Variants in MTMR12 observed in about 807,000 individuals in gnomAD.
The protein encoded by MTMR12 is myotubularin-related protein 12.
A neutral mutation model predicts 96.7 loss-of-function variants in MTMR12; 33 were observed. That is an observed-to-expected ratio of 0.34 (90% CI 0.26 to 0.46). The LOEUF is 0.46. Ranked by LOEUF, MTMR12 falls within the 20% of genes least tolerant of loss-of-function variation. MTMR12 has a pLI of 1.00. For synonymous variants in MTMR12, 298 were observed against 327.2 expected (o/e 0.91, Z 0.96); for missense variants, 721 against 896.1 (o/e 0.80, Z 2.49).
intron 1 of MTMR12, among the ~76,000 whole-genome samples, chr5:32,297,387 T>C (rs1262367065): frequency 6.6e-6 from 1 of 152,144 alleles, no homozygotes; most frequent in Non-Finnish European, 1.5e-5. Context: ...TATTACAAAG[T>C]AATACCTACA....
rs1554053391 is a variant in MTMR12 at position 32,228,569 on chromosome 5, C to CATATATATG, written c.*1208_*1209insCATATATAT. ...TCATATATATGTGATATATATATAT[C>CATATATATG]ATATATATATCATATATATGTGATA... On this transcript the variant is annotated 3_prime_UTR_variant, in exon 16 of 16. Coordinates refer to ENST00000382142, the MANE Select transcript of MTMR12 (RefSeq NM_001040446.3). 10 of 112,506 alleles carry CATATATATG rather than the reference C, an allele frequency of 8.9e-5. No individual in the cohort carries two copies. The highest frequency in any genetic ancestry group is 2.5e-4 in the South Asian group (1 of 4,030). The allele number at this position is 112,506 out of a possible 1,614,324, so 7.0% of individuals were successfully genotyped here. A position where few individuals can be genotyped will look rare whatever the true frequency, so the allele number is the denominator to read the frequency against.
At position 32,278,381 on chromosome 5, in the gene MTMR12, AT is replaced by A. The variant is rs202064723; in HGVS notation, c.82-1640del. On this transcript the variant is annotated intron_variant, in intron 1 of 15. Coordinates refer to ENST00000382142, the MANE Select transcript of MTMR12 (RefSeq NM_001040446.3). ...CAGTTTTGTCAACAAATAAAATCAG[AT>A]TTTTTTTTTTCTTTGGTAGAAGGCC... Among the ~76,000 whole-genome samples the A allele has an allele frequency of 5.7e-3, 842 of 148,896 alleles. 7 individuals carry two copies. Among genetic ancestry groups the A allele is most frequent in the African/African-American group, 0.018 (716 of 40,792 alleles).
intron 1 of MTMR12, among the ~76,000 whole-genome samples, chr5:32,280,041 CT>C (rs1246056216): frequency 6.6e-6 from 1 of 152,202 alleles, no homozygotes; most frequent in Non-Finnish European, 1.5e-5. Flanking sequence ...TGAGGACTTG[CT>C]GAGAGGCAGC....
At chr5:32,284,119 C>T (rs1750420429) in intron 1 of MTMR12, among the ~76,000 whole-genome samples, 1 of 151,616 alleles carries the variant, frequency 6.6e-6, no homozygotes, top group African/African-American at 2.4e-5. Context: ...CTAGCCTGGG[C>T]AACATGGCCA....
intron 1 of MTMR12, among the ~76,000 whole-genome samples, chr5:32,300,549 G>A (rs1454680060): frequency 6.6e-6 from 1 of 151,938 alleles, no homozygotes; most frequent in Non-Finnish European, 1.5e-5. Flanking sequence ...TCACCACACT[G>A]AGGGCCTCTC....
intron 10 of MTMR12, among the ~76,000 whole-genome samples, chr5:32,245,829 GA>G (rs768742866): frequency 0.014 from 2,082 of 148,248 alleles, 22 homozygotes; most frequent in Non-Finnish European, 0.022. Context: ...ATTTGTCTCA[GA>G]AAAAAAAAAA....
In MTMR12 at chr5:32,242,071, T is replaced by C; in HGVS notation, c.1157A>G (p.Asn386Ser). 6.2e-7 allele frequency: 1 copy of C among 1,612,494 alleles called. No individual in the cohort carries two copies. The highest frequency in any genetic ancestry group is 1.1e-5 in the South Asian group (1 of 91,016). The change falls in exon 12 of 16, where the codon AAT (asparagine) becomes AGT (serine). Residue 386 changes from asparagine (N) to serine (S), a missense_variant. Coordinates refer to ENST00000382142, the MANE Select transcript of MTMR12 (RefSeq NM_001040446.3). ...CTATATATTACCTAAAAGAAGAACA[T>C]TCATGTTTTGTGCTTCCATACATTC... ...ITECMEAQNM[N>S]VLLLEENASD...
In MTMR12 at chr5:32,255,767, A is replaced by G. The variant is rs1303954089; in HGVS notation, c.715T>C (p.Leu239=). 1 of 1,609,348 alleles carries G rather than the reference A, an allele frequency of 6.2e-7. No individual in the cohort carries two copies. Among genetic ancestry groups the G allele is most frequent in the African/African-American group, 1.3e-5 (1 of 74,714 alleles). ...VNEGYKVCER[L]PAYFVVPTPL... is the part of the protein sequence containing the mutation. ...GTGGGGACAACAAAGTATGCTGGCA[A>G]TCTAGAAGAAAGAAATGTCATCAAG... Residue 239 remains leucine, a splice_region_variant and synonymous_variant, in exon 8 of 16, where the codon TTG becomes CTG. Transcript: ENST00000382142.
chr5:32,279,076 C>CAAAAAAAAAAAAAAAAAAAAAAAAA (rs35999870), intron 1 of MTMR12, among the ~76,000 whole-genome samples: 1 of 50,518 alleles, frequency 2.0e-5, no homozygotes, highest in Non-Finnish European at 3.8e-5. Context: ...AACTCTGTCT[C>CAAAAAAAAAAAAAAAAAAAAAAAAA]AAAAAAAAAA....
intron 8 of MTMR12, among the ~76,000 whole-genome samples, chr5:32,255,038 T>C (rs1749084382): frequency 6.6e-6 from 1 of 152,114 alleles, no homozygotes; most frequent in African/African-American, 2.4e-5. Context: ...CTGCTTGGAC[T>C]CCATGGGCTT....
chr5:32,266,221 G>T (rs938381444), intron 6 of MTMR12, among the ~76,000 whole-genome samples: 1 of 151,188 alleles, frequency 6.6e-6, no homozygotes, highest in Non-Finnish European at 1.5e-5. Context: ...GTTTTGTTTT[G>T]TTTTTTAACT....
chr5:32,307,642 A>C (rs1751411045), intron 1 of MTMR12, among the ~76,000 whole-genome samples: 1 of 152,268 alleles, frequency 6.6e-6, no homozygotes, highest in African/African-American at 2.4e-5. Context: ...AATCAAGGAT[A>C]GAAGAATCCA....
At chr5:32,275,443 C>T (rs1750011871) in intron 2 of MTMR12, among the ~76,000 whole-genome samples, 1 of 152,198 alleles carries the variant, frequency 6.6e-6, no homozygotes, top group Non-Finnish European at 1.5e-5. Context: ...AGGCTCTCCC[C>T]AAGACCAGGC....
At chr5:32,234,019 G>A in intron 14 of MTMR12, 85 bp from the exon 15 acceptor site, 5 of 1,478,660 alleles carry the variant, frequency 3.4e-6, no homozygotes, top group Admixed American at 1.8e-5. Context: ...GCACCAGGAA[G>A]CATGCTCCTG....
intron 11 of MTMR12, among the ~76,000 whole-genome samples, chr5:32,242,814 C>T (rs897247925): frequency 1.3e-5 from 2 of 151,942 alleles, no homozygotes; most frequent in Admixed American, 6.6e-5. Flanking sequence ...AATTATGAGA[C>T]GTGTAGCAGG....
Position 32,247,987 on chromosome 5 carries a change from C to G in MTMR12, c.1021+15G>C. ...CCCATATAACACAAAAGTTTTTGCT[C>G]AGTATTCTTCTCACCTATCAGAAAT... is the stretch of plus-strand genomic sequence containing the variant. On this transcript the variant is annotated intron_variant, in intron 10 of 15. Transcript: ENST00000382142. The G allele has an allele frequency of 6.2e-7, 1 of 1,607,930 alleles. No homozygotes were observed. The highest frequency in any genetic ancestry group is 8.5e-7 in the Non-Finnish European group (1 of 1,176,056).
At chr5:32,282,932 T>G (rs906765886) in intron 1 of MTMR12, among the ~76,000 whole-genome samples, 1 of 152,208 alleles carries the variant, frequency 6.6e-6, no homozygotes, top group African/African-American at 2.4e-5. Flanking sequence ...GAAAACGGAT[T>G]TACCATTCTT....
intron 1 of MTMR12, among the ~76,000 whole-genome samples, chr5:32,299,057 A>G (rs926961866): frequency 2.0e-5 from 3 of 150,078 alleles, no homozygotes; most frequent in Non-Finnish European, 4.4e-5. Flanking sequence ...ATGAATGCGC[A>G]CACACACACA....
rs1052687190 is a variant in MTMR12 at position 32,266,496 on chromosome 5, T to A, written c.583+2205A>T. On this transcript the variant is annotated intron_variant, in intron 6 of 15. Transcript: ENST00000382142. ...TCAGGTCAGGAGTTCGAAATCAGCC[T>A]GGCCAACATAGTGAAACCCTGTCTC... Among the ~76,000 whole-genome samples, 16 of 151,816 alleles carry A rather than the reference T, an allele frequency of 1.1e-4. 1 individual carries two copies. The East Asian group carries it at 1.4e-3, about 13-fold the overall frequency.
Sources: allele counts gnomAD v4.1 joint callset (sites outside exome capture counted in the v4.1 genomes callset), GRCh38; gene constraint gnomAD v4.1.1; transcripts MANE v1.5; gene names NCBI Gene and HGNC (gene_info 2026-07-23, HGNC 2026-07-21).